Variants in GK observed in about 807,000 individuals in gnomAD.
GK encodes the protein ATP:glycerol 3-phosphotransferase.
A neutral mutation model predicts 56.4 loss-of-function variants in GK; 9 were observed. That is an observed-to-expected ratio of 0.16 (90% confidence interval 0.10 to 0.28). GK has a LOEUF of 0.28. Among genes scored for constraint, GK ranks in the 10% least tolerant of loss-of-function variants. GK has a pLI of 1.00. For missense variants in GK, 161 were observed against 431.4 expected (o/e 0.37, Z 5.55); for synonymous variants, 104 against 144.1 (o/e 0.72, Z 1.99).
chrX:30,657,204 G>A (rs1385026177), intron 1 of GK, among the ~76,000 whole-genome samples: 1 of 112,470 alleles, frequency 8.9e-6, no homozygotes, highest in Non-Finnish European at 1.9e-5. Context: ...ACATTCTTGG[G>A]TACGTTTGGT....
intron 3 of GK, among the ~76,000 whole-genome samples, chrX:30,669,692 G>A (rs927984247): frequency 5.4e-5 from 6 of 111,163 alleles, no homozygotes; most frequent in African/African-American, 1.6e-4. Context: ...TAGATAGAGA[G>A]AACATCAATT....
At chrX:30,719,556 T>C (rs769800857) in intron 15 of GK, 41 bp downstream of exon 15, 28 of 760,812 alleles carry the variant, frequency 3.7e-5, no homozygotes, top group Non-Finnish European at 5.5e-5. Flanking sequence ...GGATCTTGAT[T>C]TATTTACCAA....
At chrX:30,725,977 G>C (rs1779358118) in intron 19 of GK, among the ~76,000 whole-genome samples, 1 of 110,500 alleles carries the variant, frequency 9.0e-6, no homozygotes, top group Admixed American at 9.7e-5. Context: ...TAATCCTCCT[G>C]TCTCCCTCCC....
intron 3 of GK, chrX:30,674,446 C>A: frequency 6.3e-6 from 2 of 316,514 alleles, no homozygotes; most frequent in Admixed American, 3.2e-5. Context: ...CCACTTGGAG[C>A]TCCTCCCTCC....
At chrX:30,660,876 G>T (rs1333551489) in intron 1 of GK, among the ~76,000 whole-genome samples, 7 of 99,950 alleles carry the variant, frequency 7.0e-5, no homozygotes, top group Non-Finnish European at 1.4e-4. Context: ...GCAGTGGCGT[G>T]ATCTCGGCTC....
intron 3 of GK, among the ~76,000 whole-genome samples, chrX:30,670,344 A>T (rs1255389109): frequency 8.9e-6 from 1 of 111,903 alleles, no homozygotes. Context: ...ACCCACTTGG[A>T]TGCTATTCCT....
intron 2 of GK, among the ~76,000 whole-genome samples, chrX:30,666,460 C>T (rs1052541404): frequency 1.8e-5 from 2 of 111,732 alleles, no homozygotes; most frequent in Non-Finnish European, 3.8e-5. Context: ...AAGTGGTTGT[C>T]TGTGAGGTGT....
intron 4 of GK, among the ~76,000 whole-genome samples, chrX:30,682,915 AAG>A (rs1376592515): frequency 1.8e-5 from 2 of 110,926 alleles, no homozygotes; most frequent in African/African-American, 6.6e-5. Flanking sequence ...CAGTGATAAA[AAG>A]AAAGTAAGCT....
chrX:30,695,923 A>G, intron 6 of GK, 119 bp from the exon 7 acceptor site: 1 of 510,162 alleles, frequency 2.0e-6, no homozygotes, highest in Non-Finnish European at 3.5e-6. Flanking sequence ...AAAAGAAGGT[A>G]AAAAAATGTA....
intron 1 of GK, among the ~76,000 whole-genome samples, chrX:30,653,980 G>A (rs896659505): frequency 8.9e-6 from 1 of 112,800 alleles, no homozygotes; most frequent in Non-Finnish European, 1.9e-5. Flanking sequence ...GTCTTCCCCA[G>A]GAACATTTGG....
At chrX:30,654,926 A>T (rs371277404) in intron 1 of GK, among the ~76,000 whole-genome samples, 7 of 111,763 alleles carry the variant, frequency 6.3e-5, no homozygotes, top group African/African-American at 2.0e-4. Flanking sequence ...ATCTGTACAT[A>T]TATACACATA....
chrX:30,708,014 A>T lies in GK; in HGVS notation c.895-40A>T, dbSNP rs186661240. The T allele has an allele frequency of 1.1e-5, 9 of 845,390 alleles. No individual in the cohort carries two copies. In the African/African-American group the frequency reaches 1.6e-4, roughly 15 times the overall value. The allele number at this position is 845,390 out of a possible 1,213,427, so 69.7% of individuals were successfully genotyped here. ...AAAAAAGTTCTCATGTTATCTTTTC[A>T]TTTTCCACTACTGAAATCTTTTTTT... On this transcript the variant is annotated intron_variant, in intron 12 of 20. Coordinates refer to ENST00000427190, the MANE Select transcript of GK (RefSeq NM_001205019.2).
intron 4 of GK, among the ~76,000 whole-genome samples, chrX:30,683,534 G>A (rs1350951470): frequency 9.0e-6 from 1 of 111,605 alleles, no homozygotes; most frequent in Non-Finnish European, 1.9e-5. Flanking sequence ...GATATCATTG[G>A]TGGCCACGGC....
At chrX:30,713,025 C>T (rs1164618856) in intron 13 of GK, among the ~76,000 whole-genome samples, 2 of 111,617 alleles carry the variant, frequency 1.8e-5, no homozygotes, top group Admixed American at 9.5e-5. Context: ...TGAGCCACCG[C>T]GCCCGGCCTT....
intron 20 of GK, 106 bp downstream of exon 20, chrX:30,727,658 A>G: frequency 1.8e-6 from 1 of 548,703 alleles, no homozygotes; most frequent in Non-Finnish European, 3.1e-6. Flanking sequence ...GTGTCTAGGA[A>G]GCTGGAAAAT....
intron 4 of GK, chrX:30,678,060 A>G (rs1934036056): frequency 1.9e-6 from 1 of 534,739 alleles, no homozygotes. Flanking sequence ...TGACATCTAA[A>G]AGAGATCTTA....
At chrX:30,670,436 C>T (rs1933404605) in intron 3 of GK, among the ~76,000 whole-genome samples, 1 of 111,164 alleles carries the variant, frequency 9.0e-6, no homozygotes, top group Non-Finnish European at 1.9e-5. Flanking sequence ...ACTACCTGGT[C>T]TAAGAATTGA....
chrX:30,693,238 C>A (rs901876498), intron 5 of GK, among the ~76,000 whole-genome samples: 1 of 108,829 alleles, frequency 9.2e-6, no homozygotes, highest in African/African-American at 3.3e-5. Context: ...GGATGGTCTC[C>A]ATCTCCTGAC....
chrX:30,722,939 G>A (rs983827371), intron 18 of GK, among the ~76,000 whole-genome samples: 7 of 111,371 alleles, frequency 6.3e-5, no homozygotes, highest in South Asian at 7.5e-4. Context: ...CCTTAGAAGT[G>A]TACAACATCA....
Sources: gnomAD v4.1 joint callset for allele counts (sites outside exome capture counted in the v4.1 genomes callset) on GRCh38, gnomAD v4.1.1 for gene constraint, MANE v1.5 for transcripts, NCBI Gene and HGNC (gene_info 2026-07-23, HGNC 2026-07-21) for gene names.